The following RIMS2 variants were observed in gnomAD, a reference collection of about 807,000 sequenced individuals.
The protein encoded by RIMS2 is regulating synaptic membrane exocytosis protein 2.
A neutral mutation model predicts 174.4 loss-of-function variants in RIMS2; 59 were observed. The ratio of observed to expected loss-of-function variants is 0.34; its 90% CI spans 0.27 to 0.42. RIMS2 has a LOEUF of 0.42. Ranked by LOEUF, RIMS2 falls within the 10% of genes least tolerant of loss-of-function variation. The pLI is 1.00. For missense variants in RIMS2, 1,620 were observed against 1,666.3 expected, an observed-to-expected ratio of 0.97 and a Z score of 0.48; for synonymous variants, 606 against 572.5, an observed-to-expected ratio of 1.06 and a Z score of -0.84.
chr8:104,168,885 T>C (rs1374365837), intron 19 of RIMS2, among the ~76,000 whole-genome samples: 1 of 152,186 alleles, frequency 6.6e-6, no homozygotes, highest in African/African-American at 2.4e-5. Flanking sequence ...AAATGCTTTT[T>C]CTGCATCTAT....
chr8:103,789,133 T>C (rs561042355), intron 3 of RIMS2, among the ~76,000 whole-genome samples: 9,957 of 152,164 alleles, frequency 0.065, 366 homozygotes, highest in Non-Finnish European at 0.078. Flanking sequence ...CTTCGGCTCG[T>C]GCACGGTGCG....
At chr8:103,558,016 G>T (rs2090825339) in intron 1 of RIMS2, among the ~76,000 whole-genome samples, 2 of 151,982 alleles carry the variant, frequency 1.3e-5, no homozygotes, top group Admixed American at 1.3e-4. Flanking sequence ...AAAAATTTCT[G>T]TGATCTTAAA....
At chr8:103,994,017 G>A (rs2023025) in intron 17 of RIMS2, among the ~76,000 whole-genome samples, 20,528 of 143,036 alleles carry the variant, frequency 0.14, 1,608 homozygotes, top group Middle Eastern at 0.17. Flanking sequence ...CACCACTGCA[G>A]TCCAGCCAGG....
At chr8:103,787,744 T>C (rs1386643175) in intron 3 of RIMS2, among the ~76,000 whole-genome samples, 7 of 152,204 alleles carry the variant, frequency 4.6e-5, no homozygotes, top group Non-Finnish European at 8.8e-5. Flanking sequence ...CTGACAATTA[T>C]GTTCTTGGAG....
Position 104,245,070 on chromosome 8 carries a change from G to T in RIMS2, c.3476+13G>T. The T allele has an allele frequency of 6.2e-7, 1 of 1,612,790 alleles. No homozygotes were observed. The highest frequency in any genetic ancestry group is 8.5e-7 in the Non-Finnish European group (1 of 1,179,170). On this transcript the variant is annotated intron_variant, in intron 20 of 23. Coordinates refer to ENST00000504942, the Ensembl canonical transcript of RIMS2. ...GCTCAGAAGGAAAGTGAGTGAGGCTGCATGTGATGTGTGTCTCCTCCGTGC... is the reference window on the plus strand; with the variant it reads ...GCTCAGAAGGAAAGTGAGTGAGGCTTCATGTGATGTGTGTCTCCTCCGTGC...
chr8:104,029,350 C>G (rs2096334326), intron 19 of RIMS2, among the ~76,000 whole-genome samples: 1 of 152,154 alleles, frequency 6.6e-6, no homozygotes, highest in Non-Finnish European at 1.5e-5. Flanking sequence ...TACCCAGCCC[C>G]TATTCAACAT....
At chr8:103,636,798 CCCCACA>C (rs1201365588) in intron 1 of RIMS2, among the ~76,000 whole-genome samples, 950 of 58,798 alleles carry the variant, frequency 0.016, 20 homozygotes, top group African/African-American at 0.027. Context: ...ACCCCCCCCC[CCCCACA>C]CACACACACA....
chr8:103,727,960 T>A (rs1167617644), intron 2 of RIMS2, among the ~76,000 whole-genome samples: 3 of 152,046 alleles, frequency 2.0e-5, no homozygotes, highest in Non-Finnish European at 2.9e-5. Context: ...TATTTTTTTT[T>A]ATTTCTGTGA....
intron 1 of RIMS2, among the ~76,000 whole-genome samples, chr8:103,619,930 T>C (rs2095596948): frequency 6.6e-6 from 1 of 152,130 alleles, no homozygotes; most frequent in Non-Finnish European, 1.5e-5. Flanking sequence ...AAACACATAA[T>C]TTTCTGTATG....
At chr8:103,852,623 A>T (rs566676058) in intron 3 of RIMS2, among the ~76,000 whole-genome samples, 1 of 152,012 alleles carries the variant, frequency 6.6e-6, no homozygotes, top group South Asian at 2.1e-4. Context: ...GGTGTTCAAT[A>T]TTTAGCCCCC....
chr8:104,221,403 TA>T (rs917609931), intron 19 of RIMS2, among the ~76,000 whole-genome samples: 7 of 152,134 alleles, frequency 4.6e-5, no homozygotes, highest in East Asian at 1.9e-4. Context: ...ACCCACAGTT[TA>T]AAAAAAATTA....
At chr8:103,723,228 A>G (rs1358226140) in intron 2 of RIMS2, among the ~76,000 whole-genome samples, 5 of 152,240 alleles carry the variant, frequency 3.3e-5, no homozygotes, top group African/African-American at 9.6e-5. Flanking sequence ...CTCCTGTACC[A>G]TCAGTGCTTT....
At chr8:104,221,255 C>A (rs1044085727) in intron 19 of RIMS2, among the ~76,000 whole-genome samples, 1 of 152,038 alleles carries the variant, frequency 6.6e-6, no homozygotes, top group African/African-American at 2.4e-5. Context: ...TACATACGTG[C>A]GCACACACAT....
chr8:104,010,651 A>C (rs1427699595), intron 17 of RIMS2, among the ~76,000 whole-genome samples: 1 of 152,178 alleles, frequency 6.6e-6, no homozygotes, highest in African/African-American at 2.4e-5. Flanking sequence ...AAAAAGAACT[A>C]TAAATAGAGA....
intron 19 of RIMS2, among the ~76,000 whole-genome samples, chr8:104,235,077 A>T (rs1334043973): frequency 6.6e-6 from 1 of 152,156 alleles, no homozygotes; most frequent in Non-Finnish European, 1.5e-5. Context: ...TCATGAAGTC[A>T]GAATTTAGTG....
chr8:104,141,720 G>A (rs892734160), intron 19 of RIMS2, among the ~76,000 whole-genome samples: 9 of 152,248 alleles, frequency 5.9e-5, no homozygotes, highest in Admixed American at 1.3e-4. Context: ...CCTCTAACAA[G>A]CATTCTCATT....
intron 1 of RIMS2, among the ~76,000 whole-genome samples, chr8:103,593,766 A>G (rs1021909807): frequency 6.6e-6 from 1 of 151,388 alleles, no homozygotes; most frequent in Non-Finnish European, 1.5e-5. Context: ...TAAACAATAC[A>G]TAACAGATAA....
At chr8:104,205,043 C>G (rs1054823592) in intron 19 of RIMS2, among the ~76,000 whole-genome samples, 1 of 152,100 alleles carries the variant, frequency 6.6e-6, no homozygotes, top group South Asian at 2.1e-4. Context: ...GGGCATCATC[C>G]TTGGTGACAT....
rs187759634 is a variant in RIMS2 at position 103,659,530 on chromosome 8, C to G, written c.177-37556C>G. On this transcript the variant is annotated intron_variant, in intron 1 of 23. Coordinates refer to ENST00000504942, the Ensembl canonical transcript of RIMS2. ...GTGGAGAGCATGTTGGAGCCGGCCCCGGAGGACAGCAGTTCTTTTTCTCCC... is the reference window on the plus strand; with the variant it reads ...GTGGAGAGCATGTTGGAGCCGGCCCGGGAGGACAGCAGTTCTTTTTCTCCC... Among the ~76,000 whole-genome samples, 238 of 152,252 alleles carry G rather than the reference C, an allele frequency of 1.6e-3. 1 individual carries two copies. The highest frequency in any genetic ancestry group is 2.5e-3 in the Non-Finnish European group (171 of 68,008).
Sources: gnomAD v4.1 joint callset for allele counts (sites outside exome capture counted in the v4.1 genomes callset) on GRCh38, gnomAD v4.1.1 for gene constraint, MANE v1.5 for transcripts, NCBI Gene and HGNC (gene_info 2026-07-23, HGNC 2026-07-21) for gene names.